PKHD1: variants seen among roughly 807,000 people sequenced by gnomAD.
PKHD1 encodes the protein fibrocystin.
Under a neutral mutation model 412.0 loss-of-function variants are expected in PKHD1, and 291 were observed. That is an observed-to-expected ratio of 0.71 (90% confidence interval 0.64 to 0.78). The LOEUF (loss-of-function observed/expected upper bound fraction) is 0.78. Ranked by LOEUF, PKHD1 falls within the 30% of genes least tolerant of loss-of-function variation. The pLI, the probability that PKHD1 is intolerant of heterozygous loss-of-function variation, is 0.00. For missense variants in PKHD1, 4,825 were observed against 4,950.7 expected, an observed-to-expected ratio of 0.97 and a Z score of 0.76; for synonymous variants, 1,777 against 1,821.5, an observed-to-expected ratio of 0.98 and a Z score of 0.62.
chr6:52,011,940 G>A (rs1276085825), intron 34 of PKHD1, among the ~76,000 whole-genome samples: 4 of 152,188 alleles, frequency 2.6e-5, no homozygotes, highest in Non-Finnish European at 5.9e-5. Context: ...CTGATACTGT[G>A]TTCATTTTGA....
At chr6:51,860,289 A>G (rs1254343040) in intron 48 of PKHD1, among the ~76,000 whole-genome samples, 1 of 152,222 alleles carries the variant, frequency 6.6e-6, no homozygotes, top group Non-Finnish European at 1.5e-5. Context: ...GACCATCACC[A>G]GGGGCCAAAA....
intron 52 of PKHD1, among the ~76,000 whole-genome samples, chr6:51,801,195 T>C (rs867988473): frequency 6.6e-5 from 10 of 152,182 alleles, no homozygotes; most frequent in Admixed American, 2.0e-4. Context: ...TTAAATAGTC[T>C]ATCATAATTT....
At chr6:51,908,214 G>A (rs1191268991) in intron 40 of PKHD1, among the ~76,000 whole-genome samples, 1 of 152,140 alleles carries the variant, frequency 6.6e-6, no homozygotes, top group Non-Finnish European at 1.5e-5. Context: ...GGAAAAATTA[G>A]AAGAAATAGA....
intron 36 of PKHD1, among the ~76,000 whole-genome samples, chr6:51,946,899 T>C (rs1468552869): frequency 6.6e-6 from 1 of 152,252 alleles, no homozygotes; most frequent in Non-Finnish European, 1.5e-5. Context: ...AACCCAACAA[T>C]TAGTCATCCT....
chr6:52,055,912 A>T (rs2128208026), intron 18 of PKHD1, among the ~76,000 whole-genome samples, 183 bp from the exon 19 acceptor site: 1 of 152,226 alleles, frequency 6.6e-6, no homozygotes, highest in African/African-American at 2.4e-5. Context: ...CTCAACTCTA[A>T]CTCCCCCAGC....
At chr6:51,686,781 C>T (rs1299825939) in intron 60 of PKHD1, among the ~76,000 whole-genome samples, 2 of 152,170 alleles carry the variant, frequency 1.3e-5, no homozygotes, top group Admixed American at 6.6e-5. Context: ...AAACTTAATG[C>T]ATCCATTCGT....
At chr6:51,722,809 T>C (rs1032528464) in intron 60 of PKHD1, among the ~76,000 whole-genome samples, 9 of 152,258 alleles carry the variant, frequency 5.9e-5, no homozygotes, top group African/African-American at 2.2e-4. Context: ...AGCTGTAAGT[T>C]CCAAGGTTAT....
chr6:51,965,735 G>A (rs569831350), intron 35 of PKHD1, among the ~76,000 whole-genome samples: 11 of 151,804 alleles, frequency 7.2e-5, no homozygotes, highest in African/African-American at 2.4e-4. Context: ...AGAAAACCAG[G>A]CAATTCATTG....
rs137962912 is a variant in PKHD1 at position 51,659,616 on chromosome 6, G to A, written c.10510C>T (p.Gln3504Ter). Residue 3504 changes from glutamine (Q) to a stop codon, truncating the protein, a stop_gained, in exon 61 of 67, where the codon CAG becomes TAG. Transcript: ENST00000371117. LOFTEE classifies it high-confidence loss of function. ...LLLAVFYHEL[Q>*]SPHVFLGESF... ...TCCCCTAAGAAGACGTGGGGGCTCTGGAGCTCATGGTAGAATACAGCCAAG... is the reference window on the plus strand; with the variant it reads ...TCCCCTAAGAAGACGTGGGGGCTCTAGAGCTCATGGTAGAATACAGCCAAG... 1 of 1,613,700 alleles carries A rather than the reference G, an allele frequency of 6.2e-7. No homozygotes were observed. The highest frequency in any genetic ancestry group is 8.5e-7 in the Non-Finnish European group (1 of 1,179,822).
chr6:51,962,401 G>C (rs560379321), intron 35 of PKHD1, among the ~76,000 whole-genome samples: 1 of 152,208 alleles, frequency 6.6e-6, no homozygotes, highest in Non-Finnish European at 1.5e-5. Flanking sequence ...GATTAGCACA[G>C]ATATCTGTTA....
At chr6:51,743,625 T>C (rs1784834318) in intron 60 of PKHD1, among the ~76,000 whole-genome samples, 1 of 152,146 alleles carries the variant, frequency 6.6e-6, no homozygotes, top group African/African-American at 2.4e-5. Flanking sequence ...GAAAAAGGTC[T>C]CAGGACATAG....
chr6:51,771,355 C>G lies in PKHD1; in HGVS notation c.8642+1347G>C, dbSNP rs1790093239. ...ATTTGTTTTAGGCCAGGCACGGTGG[C>G]TCATGCCTGTAATCCCAGGCCTTTG... On this transcript the variant is annotated intron_variant, in intron 55 of 66. Coordinates refer to ENST00000371117, the MANE Select transcript of PKHD1 (RefSeq NM_138694.4). Among the ~76,000 whole-genome samples, 3 of 152,104 alleles carry G rather than the reference C, an allele frequency of 2.0e-5. No homozygotes were observed. The South Asian group carries it at 6.2e-4, about 32-fold the overall frequency.
At chr6:52,049,212 G>T (rs1401450240) in intron 22 of PKHD1, among the ~76,000 whole-genome samples, 1 of 152,120 alleles carries the variant, frequency 6.6e-6, no homozygotes, top group Non-Finnish European at 1.5e-5. Context: ...ACACACCTAG[G>T]CTATATGGTA....
chr6:51,720,445 G>T (rs1781764464), intron 60 of PKHD1, among the ~76,000 whole-genome samples: 2 of 152,076 alleles, frequency 1.3e-5, no homozygotes, highest in Non-Finnish European at 2.9e-5. Flanking sequence ...TTCCTCCAGT[G>T]CCCAGGCTCT....
intron 47 of PKHD1, among the ~76,000 whole-genome samples, chr6:51,869,844 A>C (rs1379153158): frequency 6.6e-6 from 1 of 152,154 alleles, no homozygotes; most frequent in Non-Finnish European, 1.5e-5. Flanking sequence ...ACAAACAATT[A>C]TCTAAATTGG....
intron 37 of PKHD1, among the ~76,000 whole-genome samples, chr6:51,922,100 A>G (rs1255655573): frequency 6.6e-6 from 1 of 152,206 alleles, no homozygotes; most frequent in Admixed American, 6.5e-5. Context: ...ATGGTGACCA[A>G]CAGATGGGGT....
chr6:51,632,832 T>A, intron 64 of PKHD1, 109 bp from the exon 65 acceptor site: 8 of 726,758 alleles, frequency 1.1e-5, no homozygotes, highest in Non-Finnish European at 1.8e-5. Flanking sequence ...ATATAGTAGG[T>A]GTTCAATATA....
At chr6:52,023,894 C>G (rs1324939016) in intron 32 of PKHD1, among the ~76,000 whole-genome samples, 1 of 152,130 alleles carries the variant, frequency 6.6e-6, no homozygotes, top group African/African-American at 2.4e-5. Flanking sequence ...AAGCTGAGAC[C>G]AAATTTTTTC....
At chr6:52,007,084 T>G (rs1212706425) in intron 35 of PKHD1, among the ~76,000 whole-genome samples, 1 of 152,252 alleles carries the variant, frequency 6.6e-6, no homozygotes, top group African/African-American at 2.4e-5. Context: ...CTTTATTGAC[T>G]CGTTTCCTGA....
Sources: allele counts gnomAD v4.1 joint callset (sites outside exome capture counted in the v4.1 genomes callset), GRCh38; gene constraint gnomAD v4.1.1; transcripts MANE v1.5; gene names NCBI Gene and HGNC (gene_info 2026-07-23, HGNC 2026-07-21).